The following MAPK10 variants were observed in gnomAD, a reference collection of about 807,000 sequenced individuals.
MAPK10 encodes the protein mitogen-activated protein kinase 10, also known as JNK3 alpha protein kinase.
MAPK10 carries 25 observed loss-of-function variants against 59.3 expected under a neutral mutation model. The ratio of observed to expected loss-of-function variants is 0.42; its 90% CI spans 0.31 to 0.59. The LOEUF (loss-of-function observed/expected upper bound fraction) is 0.59, where lower values mean the gene tolerates loss of function less well. Among genes scored for constraint, MAPK10 ranks in the 20% least tolerant of loss-of-function variants. The probability of loss-of-function intolerance (pLI) is 0.15; values close to 1 mark genes in which losing one functional copy is unlikely to be tolerated. For synonymous variants in MAPK10, 190 were observed against 200.5 expected, an observed-to-expected ratio of 0.95 and a Z score of 0.44; for missense variants, 351 against 568.9, an observed-to-expected ratio of 0.62 and a Z score of 3.90.
At chr4:86,431,994 G>A (rs950465929) in intron 1 of MAPK10, among the ~76,000 whole-genome samples, 7 of 152,152 alleles carry the variant, frequency 4.6e-5, no homozygotes, top group Admixed American at 2.0e-4. Context: ...AAGGAATGCT[G>A]GTCAGATGTT....
Position 86,098,621 on chromosome 4 carries a change from A to C in MAPK10, c.731-26T>G, listed in dbSNP as rs544209218. 1.2e-5 allele frequency: 18 copies of C among 1,529,884 alleles called. No individual in the cohort carries two copies. The East Asian group carries it at 4.0e-4, about 34-fold the overall frequency. The allele number at this position is 1,529,884 out of a possible 1,614,324, so 94.8% of individuals were successfully genotyped here. ...CTAGAACAGGAGAGAGAGGGTAGTGAAGAAAAGGGAGGAAAGTAAAGTTAA... is the reference window on the plus strand; with the variant it reads ...CTAGAACAGGAGAGAGAGGGTAGTGCAGAAAAGGGAGGAAAGTAAAGTTAA... On this transcript the variant is annotated intron_variant, in intron 8 of 13. Transcript: ENST00000641462.
At chr4:86,243,118 A>C (rs987083226) in intron 2 of MAPK10, among the ~76,000 whole-genome samples, 4 of 152,004 alleles carry the variant, frequency 2.6e-5, no homozygotes, top group Non-Finnish European at 5.9e-5. Flanking sequence ...CCAGATTTCT[A>C]GTCAATTTTG....
At chr4:86,203,320 C>A (rs562717880) in intron 2 of MAPK10, among the ~76,000 whole-genome samples, 2 of 151,968 alleles carry the variant, frequency 1.3e-5, no homozygotes, top group South Asian at 4.2e-4. Flanking sequence ...TGAATTGGTG[C>A]ACAGCAGCTG....
intron 1 of MAPK10, among the ~76,000 whole-genome samples, chr4:86,563,068 C>G (rs1388112767): frequency 6.6e-6 from 1 of 152,056 alleles, no homozygotes; most frequent in Non-Finnish European, 1.5e-5. Context: ...CTACATAACC[C>G]TTGGTATGTG....
chr4:86,047,396 G>A (rs189436489), intron 11 of MAPK10, among the ~76,000 whole-genome samples: 6 of 152,112 alleles, frequency 3.9e-5, no homozygotes, highest in Non-Finnish European at 7.4e-5. Context: ...AGACCCTAAA[G>A]GGGGAGCTTG....
At chr4:86,470,415 G>C (rs954304573) in intron 1 of MAPK10, among the ~76,000 whole-genome samples, 9 of 152,086 alleles carry the variant, frequency 5.9e-5, no homozygotes, top group African/African-American at 2.2e-4. Flanking sequence ...AGTCTGAATA[G>C]ATATTTTAAC....
intron 2 of MAPK10, among the ~76,000 whole-genome samples, chr4:86,333,218 A>C (rs1451366996): frequency 3.3e-5 from 5 of 152,216 alleles, no homozygotes; most frequent in Admixed American, 3.3e-4. Context: ...TTTCTAGAAT[A>C]AGAGAAATGG....
chr4:86,375,661 G>C (rs1192254349), intron 1 of MAPK10, among the ~76,000 whole-genome samples: 1 of 125,750 alleles, frequency 8.0e-6, no homozygotes, highest in East Asian at 2.6e-4. Flanking sequence ...GCTGCAGTGA[G>C]CCATGAGCAT....
chr4:86,371,482 C>T (rs946012095), intron 1 of MAPK10, among the ~76,000 whole-genome samples: 7 of 152,164 alleles, frequency 4.6e-5, no homozygotes, highest in African/African-American at 1.4e-4. Flanking sequence ...TATTCAGGAT[C>T]ACAAATGACC....
chr4:86,222,993 A>C (rs376533898), intron 2 of MAPK10, among the ~76,000 whole-genome samples: 37 of 152,316 alleles, frequency 2.4e-4, no homozygotes, highest in African/African-American at 7.9e-4. Flanking sequence ...TAAATTCCTG[A>C]AAATTATTTA....
At chr4:86,278,136 C>T (rs756684945) in intron 2 of MAPK10, among the ~76,000 whole-genome samples, 16 of 152,090 alleles carry the variant, frequency 1.1e-4, no homozygotes, top group Non-Finnish European at 1.3e-4. Flanking sequence ...AAAAGACAGA[C>T]GTACAATCTT....
intron 2 of MAPK10, among the ~76,000 whole-genome samples, chr4:86,336,003 C>G (rs1194066033): frequency 6.6e-6 from 1 of 152,070 alleles, no homozygotes; most frequent in Non-Finnish European, 1.5e-5. Context: ...CTACATTATT[C>G]ATATAATGTC....
intron 4 of MAPK10, among the ~76,000 whole-genome samples, chr4:86,133,019 G>A (rs1314583349): frequency 6.6e-6 from 1 of 152,132 alleles, no homozygotes; most frequent in Non-Finnish European, 1.5e-5. Flanking sequence ...TGTCTTCCAC[G>A]AAATCGGTCC....
At chr4:86,554,601 C>T (rs1296557252) in intron 1 of MAPK10, among the ~76,000 whole-genome samples, 1 of 152,182 alleles carries the variant, frequency 6.6e-6, no homozygotes, top group Non-Finnish European at 1.5e-5. Context: ...CCTATTTCCT[C>T]AGCCACTAAT....
At chr4:86,496,385 A>G (rs151294320) in intron 1 of MAPK10, among the ~76,000 whole-genome samples, 384 of 152,366 alleles carry the variant, frequency 2.5e-3, no homozygotes, top group African/African-American at 9.0e-3. Context: ...TAAAATATCA[A>G]ACATAGTTCT....
At chr4:86,178,566 C>A (rs544920262) in intron 3 of MAPK10, among the ~76,000 whole-genome samples, 1 of 152,146 alleles carries the variant, frequency 6.6e-6, no homozygotes, top group Non-Finnish European at 1.5e-5. Context: ...TTATGATAAA[C>A]CCATAGCTAA....
chr4:86,127,935 G>A (rs566873321), intron 4 of MAPK10, among the ~76,000 whole-genome samples: 1 of 152,006 alleles, frequency 6.6e-6, no homozygotes, highest in South Asian at 2.1e-4. Context: ...GTTGACTCTA[G>A]GTTTTAAAAA....
rs10681488 is a variant in MAPK10 at position 86,103,075 on chromosome 4, CTGTGTGTGTGTGTG to C, written c.425+97_425+110del. 250 of 498,766 alleles carry C rather than the reference CTGTGTGTGTGTGTG, an allele frequency of 5.0e-4. 2 individuals are homozygous for C. Among genetic ancestry groups the C allele is most frequent in the East Asian group, 3.3e-3 (86 of 26,168 alleles). The allele number at this position is 498,766 out of a possible 1,614,324, so 30.9% of individuals were successfully genotyped here. On this transcript the variant is annotated intron_variant, in intron 6 of 13. Transcript: ENST00000641462. Reference sequence around the variant, plus strand: ...TTGAGCAGTATAAGGGATTTCAACTCTGTGTGTGTGTGTGTGTGTGTGTGTGTGTGTGTGTGTGT... The same window carrying C: ...TTGAGCAGTATAAGGGATTTCAACTCTGTGTGTGTGTGTGTGTGTGTGTGT...
Position 86,379,074 on chromosome 4 carries a change from C to T in MAPK10, c.-121-24430G>A, listed in dbSNP as rs142519116. Among the ~76,000 whole-genome samples, 163 of 152,240 alleles carry T rather than the reference C, an allele frequency of 1.1e-3. 2 individuals carry two copies. Among genetic ancestry groups the T allele is most frequent in the East Asian group, 9.1e-3 (47 of 5,176 alleles). On this transcript the variant is annotated intron_variant, in intron 1 of 13. Transcript: ENST00000361569. ...CACAAAAAGCACAGGGCTCCAAGAG[C>T]AGCAGTGCATGTGTGGTGAGAGCTG...
Sources: gnomAD v4.1 joint callset for allele counts (sites outside exome capture counted in the v4.1 genomes callset) on GRCh38, gnomAD v4.1.1 for gene constraint, MANE v1.5 for transcripts, NCBI Gene and HGNC (gene_info 2026-07-23, HGNC 2026-07-21) for gene names.